The following RUFY1 variants were observed in gnomAD, a reference collection of about 807,000 sequenced individuals.
RUFY1 encodes RUN and FYVE domain containing 1, also known as RUN and FYVE domain-containing protein 1.
In RUFY1, 54 loss-of-function variants were observed where a neutral mutation model predicts 94.6. That is an observed-to-expected ratio of 0.57 (90% CI 0.46 to 0.72). The LOEUF (loss-of-function observed/expected upper bound fraction) is 0.72. Among genes scored for constraint, RUFY1 ranks in the 30% least tolerant of loss-of-function variants. The pLI is 0.00. For synonymous variants in RUFY1, 396 were observed against 347.3 expected (o/e 1.14, Z -1.56); for missense variants, 883 against 883.9 (o/e 1.00, Z 0.01).
At chr5:179,560,770 A>G (rs1328869915) in intron 2 of RUFY1, among the ~76,000 whole-genome samples, 2 of 151,696 alleles carry the variant, frequency 1.3e-5, no homozygotes. Context: ...GTGTTAGATG[A>G]GATGCCTTTC....
chr5:179,581,779 C>A (rs1412722721), intron 7 of RUFY1, among the ~76,000 whole-genome samples: 3 of 151,558 alleles, frequency 2.0e-5, no homozygotes, highest in Non-Finnish European at 4.4e-5. Context: ...TTCCCAGGCT[C>A]AGGCAATTGA....
At chr5:179,590,585 C>T (rs917897914) in intron 9 of RUFY1, among the ~76,000 whole-genome samples, 17 of 150,022 alleles carry the variant, frequency 1.1e-4, no homozygotes, top group South Asian at 2.1e-4. Context: ...CCCAGGTTCA[C>T]GCCATTCTCC....
intron 8 of RUFY1, chr5:179,586,381 G>A (rs565314897): frequency 4.6e-5 from 21 of 456,780 alleles, no homozygotes; most frequent in African/African-American, 4.2e-4. Flanking sequence ...GAGGAAGAGA[G>A]CTTGCTGCCA....
chr5:179,593,364 C>T (rs1490745078), intron 10 of RUFY1, 114 bp from the exon 11 acceptor site: 13 of 1,251,774 alleles, frequency 1.0e-5, no homozygotes, highest in Non-Finnish European at 1.5e-5. Flanking sequence ...CAGGCATGAG[C>T]CACCACACCC....
chr5:179,595,850 A>G (rs1331302538), intron 12 of RUFY1: 2 of 152,778 alleles, frequency 1.3e-5, no homozygotes, highest in African/African-American at 4.8e-5. Flanking sequence ...ACACCTGGCC[A>G]GCTACCGTTT....
chr5:179,559,948 TC>T (rs1306323933), intron 1 of RUFY1, 76 bp from the exon 2 acceptor site: 2 of 1,529,288 alleles, frequency 1.3e-6, no homozygotes, highest in Admixed American at 3.8e-5. Flanking sequence ...GCCTGACCCG[TC>T]TTCTCACCGT....
chr5:179,583,299 C>CA (rs936549939), intron 7 of RUFY1, among the ~76,000 whole-genome samples: 78 of 149,480 alleles, frequency 5.2e-4, no homozygotes, highest in East Asian at 9.8e-4. Flanking sequence ...GACTCTGTCT[C>CA]AAAAAAAAAT....
chr5:179,563,342 G>A (rs1013816401), intron 3 of RUFY1, among the ~76,000 whole-genome samples: 7 of 152,150 alleles, frequency 4.6e-5, no homozygotes, highest in Admixed American at 1.3e-4. Flanking sequence ...GCATTGTGCT[G>A]AGAACATTCC....
At chr5:179,577,859 CAAAA>C (rs35539667) in intron 6 of RUFY1, among the ~76,000 whole-genome samples, 5 of 134,342 alleles carry the variant, frequency 3.7e-5, no homozygotes, top group Non-Finnish European at 7.8e-5. Context: ...TTCTCTGCAG[CAAAA>C]AAAAAAAAAA....
At chr5:179,563,677 G>T (rs544727664) in intron 3 of RUFY1, among the ~76,000 whole-genome samples, 2 of 151,988 alleles carry the variant, frequency 1.3e-5, no homozygotes, top group East Asian at 1.9e-4. Flanking sequence ...TTTATTTCAT[G>T]ACCTTTTTTT....
intron 1 of RUFY1, 68 bp from the exon 2 acceptor site, chr5:179,559,957 C>T (rs534626325): frequency 4.3e-4 from 666 of 1,543,554 alleles, no homozygotes; most frequent in Non-Finnish European, 5.3e-4. Flanking sequence ...GTCTTCTCAC[C>T]GTTGCCCGGA....
At position 179,601,899 on chromosome 5, in the gene RUFY1, G is replaced by A. The variant is rs1376465411; in HGVS notation, c.1769G>A (p.Arg590Gln). The A allele has an allele frequency of 1.3e-5, 21 of 1,613,204 alleles. No homozygotes were observed. The highest frequency in any genetic ancestry group is 1.7e-4 in the Middle Eastern group (1 of 6,052). ...QQVEGLKKEL[R>Q]ELQDEKAELQ... ...TTGGTTTGTTCATTTTAGGAGTTGC[G>A]GGAGCTTCAGGACGAGAAGGCAGAG... Residue 590 changes from arginine to glutamine, a missense_variant, in exon 15 of 18, where the codon CGG becomes CAG. Coordinates refer to ENST00000319449, the MANE Select transcript of RUFY1 (RefSeq NM_025158.5).
chr5:179,605,956 G>A (rs1315590050), intron 16 of RUFY1, 32 bp downstream of exon 16: 17 of 1,495,340 alleles, frequency 1.1e-5, no homozygotes, highest in Non-Finnish European at 1.5e-5. Context: ...CTTCTTTGCT[G>A]TCAGCTTGTG....
In RUFY1 at chr5:179,607,562, G is replaced by C. The variant is rs552650791; in HGVS notation, c.1906-20G>C. 199 of 1,612,380 alleles carry C rather than the reference G, an allele frequency of 1.2e-4. 1 individual carries two copies. In the Admixed American group the frequency reaches 1.6e-3, roughly 13 times the overall value. ...GGGCTTAGACAGAAAGTGGATTCTA[G>C]AATGTCCTTTCCTCTTCAGGGCCAC... On this transcript the variant is annotated intron_variant, in intron 16 of 17. Coordinates refer to ENST00000319449, the MANE Select transcript of RUFY1 (RefSeq NM_025158.5).
chr5:179,604,750 G>C (rs941047455), intron 15 of RUFY1, among the ~76,000 whole-genome samples: 2 of 152,144 alleles, frequency 1.3e-5, no homozygotes, highest in African/African-American at 4.8e-5. Flanking sequence ...GGGAGGCCGA[G>C]GCAGGTGGAT....
chr5:179,599,256 G>T, intron 14 of RUFY1: 1 of 160,482 alleles, frequency 6.2e-6, no homozygotes. Flanking sequence ...AGGAACGTGG[G>T]TTTTATTTTA....
At position 179,554,884 on chromosome 5, in the gene RUFY1, C is replaced by T. The variant is rs1245497007; in HGVS notation, c.310+4005C>T. Among the ~76,000 whole-genome samples, 3 of 151,976 alleles carry T rather than the reference C, an allele frequency of 2.0e-5. No homozygotes were observed. The East Asian group carries it at 5.8e-4, about 29-fold the overall frequency. On this transcript the variant is annotated intron_variant, in intron 1 of 17. Transcript: ENST00000319449. ...TCGGGAGGCTGAGGCAGGAAAATTG[C>T]TTGAAACCAGGAGGCAGAAGTTGCA... is the stretch of plus-strand genomic sequence containing the variant.
At chr5:179,563,481 T>C (rs1762593842) in intron 3 of RUFY1, among the ~76,000 whole-genome samples, 1 of 152,010 alleles carries the variant, frequency 6.6e-6, no homozygotes, top group Admixed American at 6.6e-5. Context: ...GGCAGGTGAG[T>C]GATGGAGCAG....
Position 179,598,810 on chromosome 5 carries a change from G to A in RUFY1, c.1750G>A (p.Gly584Arg), listed in dbSNP as rs753158828. 6 of 1,614,124 alleles carry A rather than the reference G, an allele frequency of 3.7e-6. No individual in the cohort carries two copies. In the South Asian group the frequency reaches 5.5e-5, roughly 15 times the overall value. The change falls in exon 14 of 18, where the codon GGA becomes AGA. Residue 584 changes from glycine (G) to arginine (R), a missense_variant. Gly to Arg is a moderately radical substitution (Grantham distance 125). Coordinates refer to ENST00000319449, the MANE Select transcript of RUFY1 (RefSeq NM_025158.5). ...CAGGATGGAGCTGCAACAAGTGGAAGGACTGAAAAAGGTGAGGTGGGCCAT... is the reference window on the plus strand; with the variant it reads ...CAGGATGGAGCTGCAACAAGTGGAAAGACTGAAAAAGGTGAGGTGGGCCAT... ...LLRMELQQVEGLKKELRELQD... is the reference protein window; with the variant it reads ...LLRMELQQVERLKKELRELQD...
Sources: allele counts gnomAD v4.1 joint callset (sites outside exome capture counted in the v4.1 genomes callset), GRCh38; gene constraint gnomAD v4.1.1; transcripts MANE v1.5; gene names NCBI Gene and HGNC (gene_info 2026-07-23, HGNC 2026-07-21).